The following CEP112 variants were observed in gnomAD, a reference collection of about 807,000 sequenced individuals.
CEP112 encodes centrosomal protein of 112 kDa.
A neutral mutation model predicts 153.0 loss-of-function variants in CEP112; 127 were observed. That is an observed-to-expected ratio of 0.83 (90% CI 0.72 to 0.96). The LOEUF (loss-of-function observed/expected upper bound fraction) is 0.96. CEP112 is among the 40% of genes least tolerant of loss of function. The pLI, the probability that CEP112 is intolerant of heterozygous loss-of-function variation, is 0.00. For synonymous variants in CEP112, 358 were observed against 374.4 expected (o/e 0.96, Z 0.51); for missense variants, 1,089 against 1,101.2 (o/e 0.99, Z 0.16).
At chr17:66,093,186 A>G (rs1002546997) in intron 8 of CEP112, among the ~76,000 whole-genome samples, 21 of 151,886 alleles carry the variant, frequency 1.4e-4, no homozygotes, top group African/African-American at 4.3e-4. Flanking sequence ...AAATAAAATT[A>G]TATATATATA....
At chr17:65,926,111 T>C (rs1253563198) in intron 19 of CEP112, among the ~76,000 whole-genome samples, 1 of 152,050 alleles carries the variant, frequency 6.6e-6, no homozygotes, top group Non-Finnish European at 1.5e-5. Context: ...CACAAACCGG[T>C]CCTAACCTCC....
At chr17:65,703,540 G>T (rs1598354924) in intron 23 of CEP112, among the ~76,000 whole-genome samples, 1 of 108,980 alleles carries the variant, frequency 9.2e-6, no homozygotes, top group Non-Finnish European at 2.0e-5. Context: ...AAAAAAAAAA[G>T]CTAAGGTTCC....
chr17:66,176,680 G>GA (rs1320782365), intron 3 of CEP112, 150 bp downstream of exon 3: 9 of 499,374 alleles, frequency 1.8e-5, no homozygotes, highest in East Asian at 1.3e-4. Context: ...ATTAAAGGTG[G>GA]AAAAAAATTG....
At chr17:65,863,136 C>T (rs145231071) in intron 20 of CEP112, among the ~76,000 whole-genome samples, 2 of 151,926 alleles carry the variant, frequency 1.3e-5, no homozygotes, top group East Asian at 3.9e-4. Flanking sequence ...ACACAATACA[C>T]ATACTTGGAT....
chr17:66,131,321 A>G (rs1381159741), intron 5 of CEP112, among the ~76,000 whole-genome samples: 2 of 152,176 alleles, frequency 1.3e-5, no homozygotes, highest in Admixed American at 6.5e-5. Context: ...TGCCTTGCTT[A>G]TTCTGAGTAA....
intron 16 of CEP112, among the ~76,000 whole-genome samples, chr17:66,020,261 A>G (rs1411360128): frequency 6.6e-6 from 1 of 152,252 alleles, no homozygotes. Flanking sequence ...ATGAAAAAGT[A>G]TGTCCATTTC....
chr17:66,021,297 G>A (rs1019534764), intron 16 of CEP112, among the ~76,000 whole-genome samples: 1 of 152,104 alleles, frequency 6.6e-6, no homozygotes, highest in Non-Finnish European at 1.5e-5. Context: ...TTGGAGTGCT[G>A]GATCTGGAGC....
At chr17:65,664,968 A>C in intron 24 of CEP112, among the ~76,000 whole-genome samples, 1 of 152,198 alleles carries the variant, frequency 6.6e-6, no homozygotes, top group Non-Finnish European at 1.5e-5. Flanking sequence ...CTGTATCCTC[A>C]CATGGCAGAG....
chr17:65,769,499 T>A (rs1046425293), intron 21 of CEP112, among the ~76,000 whole-genome samples: 1 of 151,964 alleles, frequency 6.6e-6, no homozygotes, highest in Non-Finnish European at 1.5e-5. Flanking sequence ...GCATCACAAA[T>A]CCTGATTTAA....
chr17:65,769,133 A>T (rs897895783), intron 21 of CEP112, among the ~76,000 whole-genome samples: 2 of 152,066 alleles, frequency 1.3e-5, no homozygotes, highest in Non-Finnish European at 2.9e-5. Flanking sequence ...ATTTCTATAC[A>T]CAACAATGTA....
chr17:66,165,380 T>G (rs2071911042), intron 4 of CEP112, among the ~76,000 whole-genome samples: 1 of 152,244 alleles, frequency 6.6e-6, no homozygotes, highest in East Asian at 1.9e-4. Context: ...TATAGAACAT[T>G]ACCATCAGAA....
chr17:66,035,057 C>T (rs2065674759), intron 12 of CEP112, among the ~76,000 whole-genome samples: 1 of 146,052 alleles, frequency 6.8e-6, no homozygotes, highest in African/African-American at 2.5e-5. Context: ...CCAGGCTGGT[C>T]CTGAACCCCT....
chr17:65,695,255 T>C (rs2048301458), intron 23 of CEP112, among the ~76,000 whole-genome samples: 1 of 152,202 alleles, frequency 6.6e-6, no homozygotes, highest in Admixed American at 6.5e-5. Context: ...GTTCCAAATC[T>C]GAAAATAATG....
intron 4 of CEP112, among the ~76,000 whole-genome samples, chr17:66,134,071 G>A (rs2070323553): frequency 6.6e-6 from 1 of 152,056 alleles, no homozygotes; most frequent in Non-Finnish European, 1.5e-5. Flanking sequence ...AAAACTCTAT[G>A]AGGAGAGGTA....
intron 16 of CEP112, among the ~76,000 whole-genome samples, chr17:66,017,693 T>C (rs1218275313): frequency 6.6e-6 from 1 of 151,972 alleles, no homozygotes; most frequent in Non-Finnish European, 1.5e-5. Context: ...ATACTTTTGG[T>C]GGGTTAAAAA....
intron 6 of CEP112, among the ~76,000 whole-genome samples, chr17:66,108,212 G>A: frequency 6.6e-6 from 1 of 152,024 alleles, no homozygotes; most frequent in Non-Finnish European, 1.5e-5. Context: ...GAAAACACTG[G>A]GGAAACTCTC....
intron 17 of CEP112, among the ~76,000 whole-genome samples, chr17:65,971,890 A>C (rs952063101): frequency 6.6e-6 from 1 of 152,228 alleles, no homozygotes; most frequent in African/African-American, 2.4e-5. Context: ...GCTGAAAATA[A>C]AAGAAGCAAA....
chr17:65,727,141 C>T (rs1275134055), intron 23 of CEP112, among the ~76,000 whole-genome samples: 1 of 152,206 alleles, frequency 6.6e-6, no homozygotes, highest in Non-Finnish European at 1.5e-5. Context: ...CCTGTATCTT[C>T]ATCATTGACC....
chr17:65,843,135 T>C lies in CEP112; in HGVS notation c.2394+8669A>G, dbSNP rs112730359. On this transcript the variant is annotated intron_variant, in intron 21 of 26. Transcript: ENST00000535342. ...TAGGTCATTCAAAAGCACATTAATATAAACCTTCATATAAATGAACACCAA... is the reference window on the plus strand; with the variant it reads ...TAGGTCATTCAAAAGCACATTAATACAAACCTTCATATAAATGAACACCAA... Among the ~76,000 whole-genome samples the C allele has an allele frequency of 6.2e-3, 946 of 152,292 alleles. 13 individuals are homozygous for C. Among genetic ancestry groups the C allele is most frequent in the African/African-American group, 0.021 (888 of 41,580 alleles).
Sources: gnomAD v4.1 joint callset for allele counts (sites outside exome capture counted in the v4.1 genomes callset) on GRCh38, gnomAD v4.1.1 for gene constraint, MANE v1.5 for transcripts, NCBI Gene and HGNC (gene_info 2026-07-23, HGNC 2026-07-21) for gene names.